The following ENPEP variants were observed in gnomAD, a reference collection of about 807,000 sequenced individuals.
ENPEP encodes glutamyl aminopeptidase, also known as AP-A.
A neutral mutation model predicts 114.5 loss-of-function variants in ENPEP; 103 were observed. The observed-to-expected ratio is 0.90, with a 90% confidence interval of 0.77 to 1.06. ENPEP has a LOEUF of 1.06. Ranked by LOEUF, ENPEP falls within the 50% of genes least tolerant of loss-of-function variation. ENPEP has a pLI of 0.00. For synonymous variants in ENPEP, 420 were observed against 422.0 expected (o/e 1.00, Z 0.06); for missense variants, 1,196 against 1,161.3 (o/e 1.03, Z -0.43).
chr4:110,487,457 A>C (rs1331852534), intron 1 of ENPEP, among the ~76,000 whole-genome samples: 1 of 152,328 alleles, frequency 6.6e-6, no homozygotes, highest in East Asian at 1.9e-4. Context: ...ATAATTTTGC[A>C]AAGGCGGTTT....
intron 18 of ENPEP, among the ~76,000 whole-genome samples, chr4:110,558,457 G>A (rs1036818980): frequency 6.6e-6 from 1 of 151,584 alleles, no homozygotes; most frequent in Non-Finnish European, 1.5e-5. Context: ...CACGTGCCCA[G>A]CTACTTTTTG....
Position 110,509,687 on chromosome 4 carries a change from C to T in ENPEP, c.1074C>T (p.Ala358=). 5.0e-6 allele frequency: 8 copies of T among 1,613,600 alleles called. No individual in the cohort carries two copies. The highest frequency in any genetic ancestry group is 6.8e-6 in the Non-Finnish European group (8 of 1,179,896). ...KIAIPDFGTG[A]MENWGLITYR... is the part of the protein sequence containing the mutation. ...CTATTCCAGATTTTGGCACTGGTGC[C>T]ATGGAGAACTGGGGACTCATCACGT... The change falls in exon 5 of 20, where the codon GCC becomes GCT. Residue 358 remains alanine (A), a synonymous_variant. Coordinates refer to ENST00000265162, the MANE Select transcript of ENPEP (RefSeq NM_001977.4).
intron 10 of ENPEP, among the ~76,000 whole-genome samples, chr4:110,529,175 G>T (rs987491792): frequency 6.6e-6 from 1 of 152,184 alleles, no homozygotes; most frequent in Non-Finnish European, 1.5e-5. Context: ...AACCTTAACT[G>T]TGGGCCTAGG....
intron 3 of ENPEP, among the ~76,000 whole-genome samples, chr4:110,491,423 G>A (rs1480857076): frequency 6.6e-6 from 1 of 152,002 alleles, no homozygotes; most frequent in Non-Finnish European, 1.5e-5. Context: ...TCAAAAGCTA[G>A]CTCCTAAGTA....
intron 11 of ENPEP, among the ~76,000 whole-genome samples, chr4:110,538,683 G>A (rs1164248762): frequency 6.6e-6 from 1 of 152,200 alleles, no homozygotes; most frequent in Admixed American, 6.5e-5. Flanking sequence ...CTGGCTTTCA[G>A]CCTGTCTCAG....
rs780541765 is a variant in ENPEP at position 110,476,454 on chromosome 4, A to T, written c.40A>T (p.Ile14Phe). ...AEREGSKRYC[I>F]QTKHVAILCA... ...GAGAGAGGGCTCTAAGAGATACTGC[A>T]TTCAAACGAAACATGTGGCCATTCT... Residue 14 changes from isoleucine to phenylalanine, a missense_variant, in exon 1 of 20, where the codon ATT becomes TTT. Transcript: ENST00000265162. The T allele has an allele frequency of 1.3e-6, 2 of 1,547,160 alleles. No homozygotes were observed. The highest frequency in any genetic ancestry group is 3.8e-5 in the Admixed American group (2 of 52,430).
intron 3 of ENPEP, among the ~76,000 whole-genome samples, chr4:110,501,039 A>G (rs904839435): frequency 4.6e-5 from 7 of 152,198 alleles, no homozygotes; most frequent in Admixed American, 3.9e-4. Flanking sequence ...TGTTACACGG[A>G]TTACAGAAAC....
chr4:110,498,893 C>T (rs1560554700), intron 3 of ENPEP, among the ~76,000 whole-genome samples: 1 of 152,164 alleles, frequency 6.6e-6, no homozygotes, highest in Non-Finnish European at 1.5e-5. Flanking sequence ...GACAGAGTAG[C>T]CTGGACATCT....
intron 2 of ENPEP, among the ~76,000 whole-genome samples, chr4:110,489,210 GAA>G (rs551689195): frequency 7.4e-6 from 1 of 135,922 alleles, no homozygotes; most frequent in African/African-American, 2.7e-5. Context: ...AATGTCTGGA[GAA>G]AAAAAAAAAA....
At chr4:110,533,725 C>T (rs1157516954) in intron 11 of ENPEP, among the ~76,000 whole-genome samples, 2 of 152,140 alleles carry the variant, frequency 1.3e-5, no homozygotes, top group South Asian at 4.1e-4. Flanking sequence ...CACACTCCTT[C>T]GTATCCCTTT....
At chr4:110,545,910 A>G (rs1186350854) in intron 13 of ENPEP, among the ~76,000 whole-genome samples, 1 of 151,976 alleles carries the variant, frequency 6.6e-6, no homozygotes, top group East Asian at 1.9e-4. Context: ...GCAGCCAAAT[A>G]GCCTCTCATC....
intron 1 of ENPEP, among the ~76,000 whole-genome samples, chr4:110,486,081 A>AT (rs1724490760): frequency 6.6e-6 from 1 of 152,160 alleles, no homozygotes; most frequent in African/African-American, 2.4e-5. Context: ...TCCACTGATG[A>AT]TTTTTTAAAA....
chr4:110,555,588 T>A (rs1389762270), intron 18 of ENPEP, among the ~76,000 whole-genome samples: 1 of 152,066 alleles, frequency 6.6e-6, no homozygotes, highest in African/African-American at 2.4e-5. Flanking sequence ...TTTCTTCCAA[T>A]AAACTCTTAG....
At chr4:110,491,903 T>C (rs770696511) in intron 3 of ENPEP, among the ~76,000 whole-genome samples, 5 of 151,876 alleles carry the variant, frequency 3.3e-5, no homozygotes, top group Admixed American at 3.3e-4. Flanking sequence ...GTATTTTTAG[T>C]AGAGACGGGG....
At chr4:110,479,949 C>T (rs1306024688) in intron 1 of ENPEP, among the ~76,000 whole-genome samples, 28 of 152,190 alleles carry the variant, frequency 1.8e-4, no homozygotes, top group Admixed American at 1.8e-3. Context: ...GCATTATATA[C>T]ACAAATACTC....
chr4:110,486,300 TC>T (rs1724497736), intron 1 of ENPEP, among the ~76,000 whole-genome samples: 1 of 152,182 alleles, frequency 6.6e-6, no homozygotes, highest in Non-Finnish European at 1.5e-5. Context: ...CTGTAGTAAG[TC>T]CTTGAATCAA....
chr4:110,521,384 A>G (rs1385971943), intron 10 of ENPEP, among the ~76,000 whole-genome samples: 1 of 151,696 alleles, frequency 6.6e-6, no homozygotes, highest in Non-Finnish European at 1.5e-5. Flanking sequence ...ATCCCTAAAA[A>G]TAATAAAATA....
chr4:110,520,118 C>A (rs556870514), intron 9 of ENPEP, 45 bp downstream of exon 9: 1 of 1,600,150 alleles, frequency 6.2e-7, no homozygotes, highest in Admixed American at 1.7e-5. Flanking sequence ...GTCTGATTTA[C>A]AAATGGCTTA....
In ENPEP at chr4:110,549,547, T is replaced by A; in HGVS notation, c.2245T>A (p.Leu749Ile). 1 of 1,613,588 alleles carries A rather than the reference T, an allele frequency of 6.2e-7. No individual in the cohort carries two copies. The highest frequency in any genetic ancestry group is 8.5e-7 in the Non-Finnish European group (1 of 1,179,654). Residue 749 changes from leucine (L) to isoleucine (I), a missense_variant, in exon 16 of 20, where the codon TTA (leucine) becomes ATA (isoleucine). By Grantham distance (5) the Leu-to-Ile change is conservative. Transcript: ENST00000265162. ...HVTKLLRSSV[L>I]GFACKMGDRE... ...TTTAAGGTTACTCCGTTCCTCCGTG[T>A]TAGGGTTTGCGTGCAAGATGGGAGA...
Sources: gnomAD v4.1 joint callset for allele counts (sites outside exome capture counted in the v4.1 genomes callset) on GRCh38, gnomAD v4.1.1 for gene constraint, MANE v1.5 for transcripts, NCBI Gene and HGNC (gene_info 2026-07-23, HGNC 2026-07-21) for gene names.